Variants in MACC1 observed in about 807,000 individuals in gnomAD.
MACC1 encodes the protein metastasis-associated in colon cancer protein 1.
Under a neutral mutation model 70.7 loss-of-function variants are expected in MACC1, and 79 were observed. The ratio of observed to expected loss-of-function variants is 1.12; its 90% CI spans 0.93 to 1.35. MACC1 has a LOEUF of 1.35. MACC1 is among the 40% of genes most tolerant of loss of function. The probability of loss-of-function intolerance (pLI) is 0.00; values close to 1 mark genes in which losing one functional copy is unlikely to be tolerated. For missense variants in MACC1, 1,106 were observed against 978.1 expected, an observed-to-expected ratio of 1.13 and a Z score of -1.74; for synonymous variants, 361 against 347.2, an observed-to-expected ratio of 1.04 and a Z score of -0.44.
intron 1 of MACC1, among the ~76,000 whole-genome samples, chr7:20,209,209 T>C (rs1055954382): frequency 4.6e-5 from 7 of 152,192 alleles, no homozygotes; most frequent in Non-Finnish European, 1.0e-4. Flanking sequence ...AGTGGAGCTG[T>C]GAGAAGAGGG....
intron 1 of MACC1, among the ~76,000 whole-genome samples, chr7:20,214,903 A>T (rs1317813633): frequency 6.6e-6 from 1 of 152,038 alleles, no homozygotes; most frequent in Non-Finnish European, 1.5e-5. Context: ...TTTCCTGCCC[A>T]TCTCAACTCT....
chr7:20,189,159 G>T (rs992803279), intron 1 of MACC1, among the ~76,000 whole-genome samples: 2 of 151,974 alleles, frequency 1.3e-5, no homozygotes, highest in African/African-American at 2.4e-5. Flanking sequence ...TACTTATGAG[G>T]ACTTTCCTGG....
chr7:20,166,762 C>A lies in MACC1; in HGVS notation c.-152-2363G>T, dbSNP rs1007756836. ...AACTCAAAACATTTCATCAATACGT[C>A]ATCTTGTTAATATCACCAGGTCAAG... On this transcript the variant is annotated intron_variant, in intron 2 of 6. Coordinates refer to ENST00000400331, the MANE Select transcript of MACC1 (RefSeq NM_182762.4). 2.6e-5 allele frequency among the ~76,000 whole-genome samples: 4 copies of A among 152,182 alleles called. No homozygotes were observed. In the South Asian group the frequency reaches 6.2e-4, roughly 24 times the overall value.
chr7:20,168,065 C>A (rs1782247735), intron 2 of MACC1, among the ~76,000 whole-genome samples: 1 of 152,158 alleles, frequency 6.6e-6, no homozygotes, highest in Admixed American at 6.5e-5. Context: ...GATGATGAAC[C>A]AAGCTGCAGA....
At chr7:20,178,802 GTT>G (rs1196082733) in intron 1 of MACC1, among the ~76,000 whole-genome samples, 1 of 152,136 alleles carries the variant, frequency 6.6e-6, no homozygotes, top group Non-Finnish European at 1.5e-5. Flanking sequence ...GTTTCTCCAT[GTT>G]GGTCAGGTTG....
At chr7:20,143,867 TGA>T (rs985805591) in intron 6 of MACC1, among the ~76,000 whole-genome samples, 11 of 152,236 alleles carry the variant, frequency 7.2e-5, no homozygotes, top group African/African-American at 2.6e-4. Flanking sequence ...TAAACCGATT[TGA>T]GACTCCCTGG....
At position 20,159,127 on chromosome 7, in the gene MACC1, TG is replaced by T; in HGVS notation, c.1233del (p.Asn411LysfsTer23). ...TISDIKKGGKNISPVVFQLWG... is the reference protein window; with the variant it reads ...TISDIKKGGKXISPVVFQLWG... ...CAGAGCTGAAACACAACTGGAGATA[TG>T]TTTTTTCCACCCTTCTTAATATCAG... On this transcript the variant is annotated frameshift_variant, in exon 5 of 7. Transcript: ENST00000400331. LOFTEE classifies it high-confidence loss of function. 6.2e-7 allele frequency: 1 copy of T among 1,613,886 alleles called. No homozygotes were observed. The highest frequency in any genetic ancestry group is 1.3e-5 in the African/African-American group (1 of 75,032).
chr7:20,170,344 C>T (rs1209665628), intron 2 of MACC1: 1 of 152,182 alleles, frequency 6.6e-6, no homozygotes, highest in East Asian at 1.9e-4. Context: ...ACATCAGTTG[C>T]TGCTTAAAAT....
chr7:20,141,311 T>TTAATAAC (rs1240322756), intron 6 of MACC1, among the ~76,000 whole-genome samples, 153 bp from the exon 7 acceptor site: 1 of 152,232 alleles, frequency 6.6e-6, no homozygotes, highest in East Asian at 1.9e-4. Context: ...AAAATATGGT[T>TTAATAAC]TAATAACTAT....
chr7:20,210,595 G>C (rs766732591), intron 1 of MACC1, among the ~76,000 whole-genome samples: 5 of 152,104 alleles, frequency 3.3e-5, no homozygotes, highest in Non-Finnish European at 7.4e-5. Context: ...TCTTAGGCTG[G>C]TATTTGAAAA....
chr7:20,154,169 G>A, intron 6 of MACC1, 24 bp downstream of exon 6: 2 of 1,612,446 alleles, frequency 1.2e-6, no homozygotes, highest in Non-Finnish European at 1.7e-6. Context: ...TTTCACTATT[G>A]AATTACACAA....
chr7:20,209,189 G>A (rs1317875779), intron 1 of MACC1, among the ~76,000 whole-genome samples: 2 of 152,218 alleles, frequency 1.3e-5, no homozygotes, highest in Admixed American at 6.5e-5. Flanking sequence ...TCCGCTCTGG[G>A]GCACTGCCCA....
intron 1 of MACC1, among the ~76,000 whole-genome samples, chr7:20,199,166 T>C (rs1782798557): frequency 6.6e-6 from 1 of 152,196 alleles, no homozygotes; most frequent in South Asian, 2.1e-4. Context: ...GCAGCCAATG[T>C]TATTAGCTCC....
chr7:20,146,729 G>A (rs1781897388), intron 6 of MACC1, among the ~76,000 whole-genome samples: 1 of 152,146 alleles, frequency 6.6e-6, no homozygotes, highest in East Asian at 1.9e-4. Flanking sequence ...CTCTACACTT[G>A]TGTTTTGAAA....
intron 1 of MACC1, among the ~76,000 whole-genome samples, chr7:20,186,358 T>C (rs1240166121): frequency 6.6e-6 from 1 of 152,204 alleles, no homozygotes; most frequent in Non-Finnish European, 1.5e-5. Context: ...TCCAATAATA[T>C]GTTTACTAAC....
At chr7:20,141,941 G>A (rs76519466) in intron 6 of MACC1, 10 of 143,812 alleles carry the variant, frequency 7.0e-5, no homozygotes, top group African/African-American at 1.2e-4. Context: ...ACACACACAC[G>A]CACACACACA....
At chr7:20,204,697 G>C (rs954468476) in intron 1 of MACC1, among the ~76,000 whole-genome samples, 1 of 152,032 alleles carries the variant, frequency 6.6e-6, no homozygotes, top group African/African-American at 2.4e-5. Context: ...TTTCACAGGC[G>C]ACTACAGAAA....
At chr7:20,212,812 A>G (rs1040336693) in intron 1 of MACC1, among the ~76,000 whole-genome samples, 1 of 152,034 alleles carries the variant, frequency 6.6e-6, no homozygotes, top group Non-Finnish European at 1.5e-5. Context: ...AAAACTCCAG[A>G]GGCTCAAACA....
At position 20,159,001 on chromosome 7, in the gene MACC1, C is replaced by T. The variant is rs908438756; in HGVS notation, c.1360G>A (p.Glu454Lys). ...GCTTCCAACTGCTTTTGTTTAATTTCTTTCCTTTCTCCTTCTGTCTTTACT... is the reference window on the plus strand; with the variant it reads ...GCTTCCAACTGCTTTTGTTTAATTTTTTTCCTTTCTCCTTCTGTCTTTACT... Reference protein sequence around the residue: ...FEVKTEGERKEIKQKQLEAGE... With the variant: ...FEVKTEGERKKIKQKQLEAGE... The change falls in exon 5 of 7, where the codon GAA (glutamate) becomes AAA (lysine). Residue 454 changes from glutamate (E) to lysine (K), a missense_variant. Coordinates refer to ENST00000400331, the MANE Select transcript of MACC1 (RefSeq NM_182762.4). 3 of 1,613,858 alleles carry T rather than the reference C, an allele frequency of 1.9e-6. No homozygotes were observed. Among genetic ancestry groups the T allele is most frequent in the Admixed American group, 1.7e-5 (1 of 59,946 alleles).
Sources: allele counts gnomAD v4.1 joint callset (sites outside exome capture counted in the v4.1 genomes callset), GRCh38; gene constraint gnomAD v4.1.1; transcripts MANE v1.5; gene names NCBI Gene and HGNC (gene_info 2026-07-23, HGNC 2026-07-21).